Variants in PCDHGB1 observed in about 807,000 individuals in gnomAD.
The protein encoded by PCDHGB1 is protocadherin gamma-B1.
A neutral mutation model predicts 56.6 loss-of-function variants in PCDHGB1; 34 were observed. That is an observed-to-expected ratio of 0.60 (90% CI 0.46 to 0.80). The LOEUF (loss-of-function observed/expected upper bound fraction) is 0.80. Among genes scored for constraint, PCDHGB1 ranks in the 30% least tolerant of loss-of-function variants. The pLI, the probability that PCDHGB1 is intolerant of heterozygous loss-of-function variation, is 0.00. For missense variants in PCDHGB1, 1,278 were observed against 1,204.6 expected, an observed-to-expected ratio of 1.06 and a Z score of -0.90; for synonymous variants, 561 against 505.9, an observed-to-expected ratio of 1.11 and a Z score of -1.46.
At chr5:141,427,863 G>A (rs769808388) in intron 1 of PCDHGB1, 1 of 1,557,316 alleles carries the variant, frequency 6.4e-7, no homozygotes, top group Non-Finnish European at 8.8e-7. Context: ...GTGCGCCTTC[G>A]AGCTCACGAT....
At chr5:141,413,432 G>A (rs1193674962) in intron 1 of PCDHGB1, 1 of 1,613,992 alleles carries the variant, frequency 6.2e-7, no homozygotes, top group African/African-American at 1.3e-5. Flanking sequence ...CCGCGCAGCG[G>A]CAGCTTGATC....
chr5:141,356,711 A>G, intron 1 of PCDHGB1: 1 of 1,613,884 alleles, frequency 6.2e-7, no homozygotes, highest in Non-Finnish European at 8.5e-7. Flanking sequence ...CTGTCCTCCT[A>G]TGTCTCCATC....
chr5:141,477,043 G>A lies in PCDHGB1; in HGVS notation c.2410-17764G>A. The A allele has an allele frequency of 6.2e-7, 1 of 1,614,260 alleles. No individual in the cohort carries two copies. Among genetic ancestry groups the A allele is most frequent in the Middle Eastern group, 1.6e-4 (1 of 6,062 alleles). On this transcript the variant is annotated intron_variant, in intron 1 of 3. Coordinates refer to ENST00000523390, the MANE Select transcript of PCDHGB1 (RefSeq NM_018922.3). This position sits in a 1 kb window ranked among gnomAD's most constrained non-coding sequence, Gnocchi z 4.9. The stretch of plus-strand genomic sequence containing the variant: ...CCGGGATGCTGACAATCAAGGGTCG[G>A]CTGGACTTCGAGGACACCAAACTCC...
At chr5:141,464,676 T>A (rs1337677151) in intron 1 of PCDHGB1, among the ~76,000 whole-genome samples, 1 of 152,176 alleles carries the variant, frequency 6.6e-6, no homozygotes. Flanking sequence ...ATAATTTTAA[T>A]TAAAATTTCT....
rs2097401329 is a variant in PCDHGB1 at position 141,431,623 on chromosome 5, G to A, written c.2410-63184G>A. 1 of 1,614,192 alleles carries A rather than the reference G, an allele frequency of 6.2e-7. No homozygotes were observed. The highest frequency in any genetic ancestry group is 1.7e-5 in the Admixed American group (1 of 60,028). On this transcript the variant is annotated intron_variant, in intron 1 of 3. Coordinates refer to ENST00000523390, the MANE Select transcript of PCDHGB1 (RefSeq NM_018922.3). This position sits in a 1 kb window ranked among gnomAD's most constrained non-coding sequence, Gnocchi z 4.8. ...CCTTCCGGTATGTGGACGACAAGGC[G>A]GCCCAAGTTTTCAAACTAGATTGTA...
At position 141,409,359 on chromosome 5, in the gene PCDHGB1, T is replaced by C. The variant is rs371907890; in HGVS notation, c.2409+56690T>C. ...GGAAATGGAGAAGTCAGGTGTAATA[T>C]AGAAACAGACATTCCATTCAAGATT... On this transcript the variant is annotated intron_variant, in intron 1 of 3. Coordinates refer to ENST00000523390, the MANE Select transcript of PCDHGB1 (RefSeq NM_018922.3). 6.8e-6 allele frequency: 11 copies of C among 1,614,026 alleles called. No individual in the cohort carries two copies. The highest frequency in any genetic ancestry group is 8.5e-6 in the Non-Finnish European group (10 of 1,179,908).
intron 1 of PCDHGB1, chr5:141,424,602 T>G (rs2154550827): frequency 6.6e-6 from 1 of 152,334 alleles, no homozygotes; most frequent in African/African-American, 2.4e-5. Flanking sequence ...GTCTACAGAT[T>G]TATTCAAATA....
chr5:141,366,557 G>A (rs376762797), intron 1 of PCDHGB1: 1 of 1,614,150 alleles, frequency 6.2e-7, no homozygotes, highest in African/African-American at 1.3e-5. Flanking sequence ...CTTTGTGGGC[G>A]TGGATGGGGT....
chr5:141,506,737 C>T (rs893758261), intron 3 of PCDHGB1, among the ~76,000 whole-genome samples: 5 of 152,076 alleles, frequency 3.3e-5, no homozygotes, highest in African/African-American at 1.2e-4. Flanking sequence ...AGAATAATGC[C>T]TATTAATAAA....
At position 141,351,774 on chromosome 5, in the gene PCDHGB1, C is replaced by T; in HGVS notation, c.1514C>T (p.Pro505Leu). Reference sequence around the variant, plus strand: ...CTGTTGTCCTACGTGTCCGTGAGCCCGCAGAGCGGGGTGGTGTTCGCGCAG... The same window carrying T: ...CTGTTGTCCTACGTGTCCGTGAGCCTGCAGAGCGGGGTGGTGTTCGCGCAG... ...RELLSYVSVS[P>L]QSGVVFAQRA... The change falls in exon 1 of 4, where the codon CCG (proline) becomes CTG (leucine). Residue 505 changes from proline (P) to leucine (L), a missense_variant. By Grantham distance (98) the Pro-to-Leu change is moderately conservative. Transcript: ENST00000523390. 6.2e-7 allele frequency: 1 copy of T among 1,613,528 alleles called. No individual in the cohort carries two copies. The highest frequency in any genetic ancestry group is 2.2e-5 in the East Asian group (1 of 44,886).
At chr5:141,408,645 C>T (rs763904747) in intron 1 of PCDHGB1, 10 of 1,613,890 alleles carry the variant, frequency 6.2e-6, no homozygotes, top group Non-Finnish European at 8.5e-6. Flanking sequence ...TCTGCATCCG[C>T]TGGTACACGA....
chr5:141,413,397 T>A, intron 1 of PCDHGB1: 1 of 1,613,942 alleles, frequency 6.2e-7, no homozygotes, highest in Non-Finnish European at 8.5e-7. Context: ...TCTCCAGAGG[T>A]AGGACGCAGC....
intron 1 of PCDHGB1, among the ~76,000 whole-genome samples, chr5:141,461,782 TAG>T (rs2099022757): frequency 6.6e-6 from 1 of 152,086 alleles, no homozygotes; most frequent in South Asian, 2.1e-4. Context: ...GCCTCCCAAG[TAG>T]CTGGGATTAC....
At chr5:141,383,367 G>C in intron 1 of PCDHGB1, 2 of 1,614,030 alleles carry the variant, frequency 1.2e-6, no homozygotes, top group Non-Finnish European at 1.7e-6. Context: ...CGTTAAGCGA[G>C]GCTGGGGATC....
In PCDHGB1 at chr5:141,350,697, G is replaced by A. The variant is rs777060876; in HGVS notation, c.437G>A (p.Gly146Glu). The change falls in exon 1 of 4, where the codon GGG becomes GAG. Residue 146 changes from glycine to glutamate, a missense_variant. Physicochemically the swap from Gly to Glu is moderately conservative, Grantham distance 98. Coordinates refer to ENST00000523390, the MANE Select transcript of PCDHGB1 (RefSeq NM_018922.3). ...GAAATTTGTGAGTCAGCCTTACCCG[G>A]GGTAAAATTCTCTCTGGATTCTGCT... is the stretch of plus-strand genomic sequence containing the variant. ...DLEICESALPGVKFSLDSAQD... is the reference protein window; with the variant it reads ...DLEICESALPEVKFSLDSAQD... 2 of 1,613,814 alleles carry A rather than the reference G, an allele frequency of 1.2e-6. No individual in the cohort carries two copies. The highest frequency in any genetic ancestry group is 1.3e-5 in the African/African-American group (1 of 74,928).
At position 141,350,329 on chromosome 5, in the gene PCDHGB1, C is replaced by T. The variant is rs916472281; in HGVS notation, c.69C>T (p.Phe23=). ...QVLFPFLLSL[F]CGAISQQIRY... ...TGTTTCCCTTCCTGCTGTCTTTGTT[C>T]TGCGGGGCCATCTCCCAGCAGATCC... The change falls in exon 1 of 4, where the codon TTC becomes TTT. Residue 23 remains phenylalanine (F), a synonymous_variant. Transcript: ENST00000523390. 5.2e-6 allele frequency: 8 copies of T among 1,536,508 alleles called. No individual in the cohort carries two copies. Among genetic ancestry groups the T allele is most frequent in the Non-Finnish European group, 7.0e-6 (8 of 1,143,656 alleles).
chr5:141,495,199 G>A (rs1205495643), intron 2 of PCDHGB1, among the ~76,000 whole-genome samples: 1 of 152,164 alleles, frequency 6.6e-6, no homozygotes, highest in African/African-American at 2.4e-5. Context: ...CCCATGTACT[G>A]CCTAACCCCC....
chr5:141,456,773 G>A (rs1178932462), intron 1 of PCDHGB1, among the ~76,000 whole-genome samples: 6 of 151,980 alleles, frequency 3.9e-5, no homozygotes, highest in African/African-American at 1.2e-4. Context: ...GACCAGCCTG[G>A]CCTACATGGC....
chr5:141,372,350 GCCTCTTTCAGCCA>G (rs1768695448), intron 1 of PCDHGB1: 2 of 1,613,880 alleles, frequency 1.2e-6, no homozygotes, highest in Admixed American at 3.3e-5. Flanking sequence ...GAGGACAGCA[GCCTCTTTCAGCCA>G]CCGTCATGCT....
Sources: allele counts gnomAD v4.1 joint callset (sites outside exome capture counted in the v4.1 genomes callset), GRCh38; gene constraint gnomAD v4.1.1; non-coding constraint Gnocchi (gnomAD v3.1); transcripts MANE v1.5; gene names NCBI Gene and HGNC (gene_info 2026-07-23, HGNC 2026-07-21).